The following SLC25A12 variants were observed in gnomAD, a reference collection of about 807,000 sequenced individuals.
SLC25A12 encodes electrogenic aspartate/glutamate antiporter SLC25A12, mitochondrial.
A neutral mutation model predicts 83.3 loss-of-function variants in SLC25A12; 32 were observed. That is an observed-to-expected ratio of 0.38 (90% CI 0.29 to 0.52). The LOEUF (loss-of-function observed/expected upper bound fraction) is 0.52, where lower values mean the gene tolerates loss of function less well. Ranked by LOEUF, SLC25A12 falls within the 20% of genes least tolerant of loss-of-function variation. The probability of loss-of-function intolerance (pLI) is 0.84; values close to 1 mark genes in which losing one functional copy is unlikely to be tolerated. For missense variants in SLC25A12, 611 were observed against 835.6 expected (o/e 0.73, Z 3.31); for synonymous variants, 267 against 291.1 (o/e 0.92, Z 0.84).
At chr2:171,867,635 T>TGGGGAG (rs1237981439) in intron 3 of SLC25A12, among the ~76,000 whole-genome samples, 22 of 151,846 alleles carry the variant, frequency 1.4e-4, no homozygotes, top group African/African-American at 5.3e-4. Context: ...AGGGAGACCG[T>TGGGGAG]GGGGAGAGGG....
Position 171,893,277 on chromosome 2 carries a change from A to C in SLC25A12, c.13-19T>G. ...TCTGCACCTGTAAGCAAAAAAGAAA[A>C]AAAAGCCAGTTAATGCTTCACTAGA... On this transcript the variant is annotated intron_variant, in intron 1 of 17. Transcript: ENST00000422440. 1 of 1,613,074 alleles carries C rather than the reference A, an allele frequency of 6.2e-7. No individual in the cohort carries two copies. Among genetic ancestry groups the C allele is most frequent in the Non-Finnish European group, 8.5e-7 (1 of 1,179,120 alleles).
At chr2:171,871,091 A>G (rs1685447556) in intron 2 of SLC25A12, among the ~76,000 whole-genome samples, 1 of 152,184 alleles carries the variant, frequency 6.6e-6, no homozygotes, top group Non-Finnish European at 1.5e-5. Context: ...ACTCCCAGCT[A>G]TGCAGGATGC....
rs1409535808 is a variant in SLC25A12 at position 171,863,874 on chromosome 2, T to C, written c.209+4807A>G. Among the ~76,000 whole-genome samples, 8 of 152,250 alleles carry C rather than the reference T, an allele frequency of 5.3e-5. No homozygotes were observed. In the East Asian group the frequency reaches 7.7e-4, roughly 15 times the overall value. On this transcript the variant is annotated intron_variant, in intron 3 of 17. Coordinates refer to ENST00000422440, the MANE Select transcript of SLC25A12 (RefSeq NM_003705.5). ...ATCCACAGTGATTTATCAGTTGATA[T>C]ATTTTGAGAGAGTAGACCTAAAAGG...
At chr2:171,799,071 T>TGCAAGCACACA (rs1683658068) in intron 13 of SLC25A12, among the ~76,000 whole-genome samples, 1 of 151,654 alleles carries the variant, frequency 6.6e-6, no homozygotes, top group Non-Finnish European at 1.5e-5. Context: ...GCAAGGTACA[T>TGCAAGCACACA]GCAAGCACAC....
chr2:171,840,686 A>G (rs574205980), intron 5 of SLC25A12, among the ~76,000 whole-genome samples: 1 of 152,292 alleles, frequency 6.6e-6, no homozygotes, highest in East Asian at 1.9e-4. Flanking sequence ...CTAAAAGGTC[A>G]TAAATGTAAC....
chr2:171,817,285 T>A, intron 9 of SLC25A12, among the ~76,000 whole-genome samples: 1 of 152,260 alleles, frequency 6.6e-6, no homozygotes, highest in Non-Finnish European at 1.5e-5. Context: ...ACTAAACACA[T>A]TGGCATACGT....
intron 3 of SLC25A12, among the ~76,000 whole-genome samples, chr2:171,866,131 A>G (rs1309204144): frequency 3.7e-5 from 5 of 134,238 alleles, no homozygotes; most frequent in African/African-American, 1.4e-4. Flanking sequence ...TGGACACAGC[A>G]CATGTTTCAG....
intron 2 of SLC25A12, among the ~76,000 whole-genome samples, chr2:171,881,503 A>C (rs1685694410): frequency 6.6e-6 from 1 of 152,144 alleles, no homozygotes; most frequent in African/African-American, 2.4e-5. Flanking sequence ...AACACGACCA[A>C]GAACAGTGGT....
At chr2:171,824,630 T>A (rs965108860) in intron 9 of SLC25A12, among the ~76,000 whole-genome samples, 2 of 152,122 alleles carry the variant, frequency 1.3e-5, no homozygotes, top group Non-Finnish European at 2.9e-5. Flanking sequence ...AAAATAAAAT[T>A]AAATTCAGTA....
At chr2:171,864,109 G>A (rs1234209086) in intron 3 of SLC25A12, among the ~76,000 whole-genome samples, 3 of 152,080 alleles carry the variant, frequency 2.0e-5, no homozygotes, top group East Asian at 1.9e-4. Flanking sequence ...TATTGCATGC[G>A]AGTCTTGTCC....
chr2:171,871,682 CTCCACTCACCT>C (rs1211219656), intron 2 of SLC25A12: 1 of 980,172 alleles, frequency 1.0e-6, no homozygotes, highest in African/African-American at 1.8e-5. Context: ...TTCCTCTCTC[CTCCACTCACCT>C]TCCATGTTGC....
intron 3 of SLC25A12, among the ~76,000 whole-genome samples, chr2:171,857,847 T>C (rs1558933945): frequency 6.7e-6 from 1 of 148,884 alleles, no homozygotes; most frequent in Non-Finnish European, 1.5e-5. Context: ...GCAATGCTGG[T>C]GCCTGTGAAT....
At chr2:171,854,740 G>A (rs1685011109) in intron 4 of SLC25A12, among the ~76,000 whole-genome samples, 1 of 152,174 alleles carries the variant, frequency 6.6e-6, no homozygotes, top group Admixed American at 6.5e-5. Flanking sequence ...TGACTGACCT[G>A]TACTTTCTCA....
intron 13 of SLC25A12, among the ~76,000 whole-genome samples, chr2:171,803,701 A>G (rs767784837): frequency 5.9e-5 from 9 of 152,296 alleles, no homozygotes; most frequent in Non-Finnish European, 1.2e-4. Context: ...CAGGAAGATC[A>G]CTTGAGGCCA....
intron 2 of SLC25A12, among the ~76,000 whole-genome samples, chr2:171,881,375 C>A (rs1685691157): frequency 6.6e-6 from 1 of 152,202 alleles, no homozygotes; most frequent in African/African-American, 2.4e-5. Context: ...TGGTCTTGAA[C>A]TCCTAACCTC....
chr2:171,823,792 C>T (rs1325868042), intron 9 of SLC25A12, among the ~76,000 whole-genome samples: 1 of 152,070 alleles, frequency 6.6e-6, no homozygotes, highest in African/African-American at 2.4e-5. Flanking sequence ...AACCCTGTCT[C>T]TACTGAAAAC....
intron 11 of SLC25A12, among the ~76,000 whole-genome samples, chr2:171,810,853 T>A (rs556346945): frequency 2.0e-5 from 3 of 152,246 alleles, no homozygotes; most frequent in African/African-American, 7.2e-5. Context: ...GTTTTAAGTA[T>A]TGTTTAACGA....
At chr2:171,830,969 G>A (rs1684418473) in intron 8 of SLC25A12, among the ~76,000 whole-genome samples, 2 of 152,356 alleles carry the variant, frequency 1.3e-5, no homozygotes, top group South Asian at 4.1e-4. Flanking sequence ...AACCCAGGTT[G>A]TAAGCTCTGA....
At chr2:171,806,685 A>C (rs887433366) in intron 13 of SLC25A12, among the ~76,000 whole-genome samples, 1 of 152,126 alleles carries the variant, frequency 6.6e-6, no homozygotes, top group Non-Finnish European at 1.5e-5. Flanking sequence ...TTCCTCTGGG[A>C]AAAAAAGCCT....
Sources: gnomAD v4.1 joint callset for allele counts (sites outside exome capture counted in the v4.1 genomes callset) on GRCh38, gnomAD v4.1.1 for gene constraint, MANE v1.5 for transcripts, NCBI Gene and HGNC (gene_info 2026-07-23, HGNC 2026-07-21) for gene names.